Variants in RBFOX1 observed in about 807,000 individuals in gnomAD.
RBFOX1 encodes the protein RNA binding fox-1 homolog 1.
In RBFOX1, 8 loss-of-function variants were observed where a neutral mutation model predicts 57.7. That is an observed-to-expected ratio of 0.14 (90% CI 0.08 to 0.25). The LOEUF (loss-of-function observed/expected upper bound fraction) is 0.25, where lower values mean the gene tolerates loss of function less well. RBFOX1 is among the 10% of genes least tolerant of loss of function. The pLI, the probability that RBFOX1 is intolerant of heterozygous loss-of-function variation, is 1.00. For synonymous variants in RBFOX1, 326 were observed against 222.4 expected, an observed-to-expected ratio of 1.47 and a Z score of -4.15; for missense variants, 611 against 548.5, an observed-to-expected ratio of 1.11 and a Z score of -1.14.
chr16:6,945,980 C>G (rs766580491), intron 3 of RBFOX1, among the ~76,000 whole-genome samples: 4 of 152,234 alleles, frequency 2.6e-5, no homozygotes, highest in Non-Finnish European at 5.9e-5. Flanking sequence ...CCACAAGTGT[C>G]TTTTGGCCTG....
chr16:6,906,944 G>C (rs1349220003), intron 3 of RBFOX1, among the ~76,000 whole-genome samples: 2 of 152,006 alleles, frequency 1.3e-5, no homozygotes, highest in Non-Finnish European at 2.9e-5. Context: ...GGCTGGTCTT[G>C]AACTCCTGAC....
intron 12 of RBFOX1, among the ~76,000 whole-genome samples, chr16:7,660,751 C>G (rs1568334350): frequency 6.6e-6 from 1 of 152,216 alleles, no homozygotes; most frequent in Non-Finnish European, 1.5e-5. Context: ...TCATCCGGAT[C>G]TATTCAATCA....
intron 2 of RBFOX1, among the ~76,000 whole-genome samples, chr16:6,565,190 C>T (rs1337618433): frequency 1.3e-5 from 2 of 149,678 alleles, no homozygotes; most frequent in Non-Finnish European, 3.0e-5. Context: ...CAAAATACTA[C>T]TCATTGTAGA....
chr16:5,587,006 CTGAAAAGAAGG>C, intron 2 of RBFOX1, among the ~76,000 whole-genome samples: 1 of 152,148 alleles, frequency 6.6e-6, no homozygotes, highest in Non-Finnish European at 1.5e-5. Flanking sequence ...AGAGCAAATC[CTGAAAAGAAGG>C]CAAGTAGAGG....
chr16:6,075,906 G>A (rs545830931), intron 1 of RBFOX1, among the ~76,000 whole-genome samples: 1 of 152,278 alleles, frequency 6.6e-6, no homozygotes, highest in African/African-American at 2.4e-5. Context: ...CTCATTTAAT[G>A]CTTGTGGCAA....
intron 3 of RBFOX1, among the ~76,000 whole-genome samples, chr16:6,914,626 C>T (rs1374606631): frequency 6.6e-6 from 1 of 152,026 alleles, no homozygotes; most frequent in African/African-American, 2.4e-5. Flanking sequence ...CTAATCGCAG[C>T]ACTTTGGGAG....
chr16:5,856,537 A>ATGTGTGTGTG (rs774246673), intron 3 of RBFOX1, among the ~76,000 whole-genome samples: 2 of 70,256 alleles, frequency 2.8e-5, no homozygotes, highest in African/African-American at 1.1e-4. Context: ...ATATATGTGT[A>ATGTGTGTGTG]TGTGTGTGTG....
intron 1 of RBFOX1, among the ~76,000 whole-genome samples, chr16:6,308,799 T>C (rs897497092): frequency 2.6e-5 from 4 of 152,192 alleles, no homozygotes; most frequent in Non-Finnish European, 2.9e-5. Flanking sequence ...CAGGTGCCAT[T>C]CTTAGAAAAA....
intron 4 of RBFOX1, among the ~76,000 whole-genome samples, chr16:7,134,092 A>G (rs1336957856): frequency 6.6e-6 from 1 of 152,216 alleles, no homozygotes; most frequent in African/African-American, 2.4e-5. Flanking sequence ...GCAGTTTGTT[A>G]TGCTGTATAA....
At chr16:5,978,616 A>C (rs2060113354) in intron 4 of RBFOX1, among the ~76,000 whole-genome samples, 1 of 151,582 alleles carries the variant, frequency 6.6e-6, no homozygotes, top group African/African-American at 2.4e-5. Flanking sequence ...CCTTTTCACT[A>C]ATCTCCTCTG....
chr16:5,272,565 T>A (rs982868674), intron 1 of RBFOX1, among the ~76,000 whole-genome samples: 8 of 152,176 alleles, frequency 5.3e-5, no homozygotes, highest in Admixed American at 2.6e-4. Context: ...GACTGCTGCC[T>A]CTACCGATAC....
intron 3 of RBFOX1, among the ~76,000 whole-genome samples, chr16:7,022,002 CTCCCT>C (rs1218286682): frequency 1.8e-4 from 3 of 16,736 alleles, no homozygotes; most frequent in African/African-American, 1.7e-3. Flanking sequence ...CCCTCCCCCT[CTCCCT>C]CCCCTTCCCT....
intron 2 of RBFOX1, among the ~76,000 whole-genome samples, chr16:6,622,433 G>T (rs1437484700): frequency 6.6e-6 from 1 of 152,148 alleles, no homozygotes; most frequent in Non-Finnish European, 1.5e-5. Context: ...GTAACAAGCT[G>T]TACAGGCTTG....
At position 7,472,814 on chromosome 16, in the gene RBFOX1, ATAT is replaced by A. The variant is rs920506570; in HGVS notation, c.28-45327_28-45325del. Among the ~76,000 whole-genome samples the A allele has an allele frequency of 4.4e-4, 67 of 152,236 alleles. 1 individual carries two copies. Among genetic ancestry groups the A allele is most frequent in the African/African-American group, 9.6e-5 (4 of 41,460 alleles). ...CTTGTTTGGCAGAGTTTATTAGATA[ATAT>A]TATTAGATAAAAGTGTTAGCAGGAT... On this transcript the variant is annotated intron_variant, in intron 4 of 15. Coordinates refer to ENST00000550418, the MANE Select transcript of RBFOX1 (RefSeq NM_018723.4).
intron 4 of RBFOX1, among the ~76,000 whole-genome samples, chr16:7,215,089 T>G (rs551935159): frequency 6.6e-6 from 1 of 152,240 alleles, no homozygotes; most frequent in African/African-American, 2.4e-5. Flanking sequence ...CCCTGGTGTG[T>G]GATGTTCGCC....
intron 2 of RBFOX1, among the ~76,000 whole-genome samples, chr16:6,500,889 T>TG (rs1313041982): frequency 2.6e-4 from 37 of 142,234 alleles, no homozygotes; most frequent in Admixed American, 6.6e-4. Flanking sequence ...TTTTTTTTTT[T>TG]TTTTTTTTTT....
At chr16:6,636,356 G>T (rs897751484) in intron 2 of RBFOX1, among the ~76,000 whole-genome samples, 3 of 152,034 alleles carry the variant, frequency 2.0e-5, no homozygotes, top group East Asian at 1.9e-4. Flanking sequence ...ATTTTCAGTA[G>T]AGATGGGGTT....
At position 6,256,161 on chromosome 16, in the gene RBFOX1, A is replaced by ATACG. The variant is rs2097660858; in HGVS notation, c.-126-60832_-126-60831insCGTA. ...TATGTGTGTATATATATATATATGTATATATATATGTATATATATATATAC... is the reference window on the plus strand; with the variant it reads ...TATGTGTGTATATATATATATATGTATACGTATATATATGTATATATATATATAC... On this transcript the variant is annotated intron_variant, in intron 1 of 15. Coordinates refer to ENST00000550418, the MANE Select transcript of RBFOX1 (RefSeq NM_018723.4). Among the ~76,000 whole-genome samples the ATACG allele has an allele frequency of 3.3e-4, 5 of 14,962 alleles. 2 individuals carry two copies. Among genetic ancestry groups the ATACG allele is most frequent in the Non-Finnish European group, 8.8e-4 (5 of 5,660 alleles). The allele number at this position is 14,962 out of a possible 152,430, so 9.8% of individuals were successfully genotyped here.
At position 6,524,492 on chromosome 16, in the gene RBFOX1, C is replaced by G. The variant is rs2153808092; in HGVS notation, c.-63-130111C>G. On this transcript the variant is annotated intron_variant, in intron 2 of 15. Coordinates refer to ENST00000550418, the MANE Select transcript of RBFOX1 (RefSeq NM_018723.4). ...GAAGCGTGTTTGTCTTCCATGTTAC[C>G]TCGTTAGACATCAAGTTCCTAGTAA... is the stretch of plus-strand genomic sequence containing the variant. Among the ~76,000 whole-genome samples the G allele has an allele frequency of 2.0e-5, 3 of 152,208 alleles. 1 individual carries two copies. The Middle Eastern group carries it at 0.01, about 518-fold the overall frequency.
Sources: gnomAD v4.1 joint callset for allele counts (sites outside exome capture counted in the v4.1 genomes callset) on GRCh38, gnomAD v4.1.1 for gene constraint, MANE v1.5 for transcripts, NCBI Gene and HGNC (gene_info 2026-07-23, HGNC 2026-07-21) for gene names.